TMEFF2: variants seen among roughly 807,000 people sequenced by gnomAD.
The protein encoded by TMEFF2 is transmembrane protein with EGF like and two follistatin like domains 2.
Under a neutral mutation model 53.8 loss-of-function variants are expected in TMEFF2, and 28 were observed. The observed-to-expected ratio is 0.52, with a 90% CI of 0.39 to 0.71. The LOEUF (loss-of-function observed/expected upper bound fraction) is 0.71, where lower values mean the gene tolerates loss of function less well. TMEFF2 is among the 30% of genes least tolerant of loss of function. TMEFF2 has a pLI of 0.00. For synonymous variants in TMEFF2, 162 were observed against 166.3 expected, an observed-to-expected ratio of 0.97 and a Z score of 0.20; for missense variants, 353 against 455.2, an observed-to-expected ratio of 0.78 and a Z score of 2.04.
At chr2:192,110,031 G>A (rs1044510063) in intron 4 of TMEFF2, among the ~76,000 whole-genome samples, 6 of 152,026 alleles carry the variant, frequency 3.9e-5, no homozygotes, top group Admixed American at 1.3e-4. Context: ...GAAAAAGGAT[G>A]GGGGGAGTCT....
intron 9 of TMEFF2, among the ~76,000 whole-genome samples, chr2:191,952,181 A>G (rs149945730): frequency 2.6e-5 from 4 of 152,330 alleles, no homozygotes; most frequent in African/African-American, 9.6e-5. Flanking sequence ...ATGTGTGTAT[A>G]TGTGTATACA....
chr2:192,053,968 G>A (rs889442363), intron 5 of TMEFF2, among the ~76,000 whole-genome samples: 2 of 152,018 alleles, frequency 1.3e-5, no homozygotes, highest in Admixed American at 1.3e-4. Context: ...TGTCATTTCA[G>A]CACAATTCCT....
intron 5 of TMEFF2, among the ~76,000 whole-genome samples, chr2:192,046,113 C>T (rs982588243): frequency 5.9e-5 from 9 of 152,132 alleles, no homozygotes; most frequent in African/African-American, 1.7e-4. Context: ...AGTTGTAATT[C>T]CAGCACTTTG....
intron 2 of TMEFF2, among the ~76,000 whole-genome samples, chr2:192,188,034 C>T (rs1342609805): frequency 3.3e-5 from 5 of 152,038 alleles, no homozygotes; most frequent in Non-Finnish European, 7.4e-5. Flanking sequence ...CTGTTATATT[C>T]CCAGTTGTCA....
At chr2:192,055,304 T>C (rs1380352790) in intron 5 of TMEFF2, among the ~76,000 whole-genome samples, 1 of 152,198 alleles carries the variant, frequency 6.6e-6, no homozygotes, top group Admixed American at 6.5e-5. Context: ...CCTGGGGGTC[T>C]TGTAGAAAAG....
intron 4 of TMEFF2, among the ~76,000 whole-genome samples, chr2:192,131,849 T>C (rs1020378445): frequency 2.7e-4 from 41 of 151,870 alleles, no homozygotes; most frequent in African/African-American, 9.9e-4. Flanking sequence ...TAGTTCCAAA[T>C]AGCCGGAAAA....
At chr2:192,014,680 T>A (rs1686706297) in intron 5 of TMEFF2, among the ~76,000 whole-genome samples, 1 of 152,350 alleles carries the variant, frequency 6.6e-6, no homozygotes, top group Non-Finnish European at 1.5e-5. Flanking sequence ...TATTCTGATC[T>A]GACTTCCGAT....
chr2:192,149,547 C>T (rs1457898022), intron 4 of TMEFF2, among the ~76,000 whole-genome samples: 3 of 151,902 alleles, frequency 2.0e-5, no homozygotes, highest in East Asian at 1.9e-4. Context: ...GAACTCAGAA[C>T]ATGGAAAGGG....
At chr2:192,144,171 C>T (rs1399407438) in intron 4 of TMEFF2, among the ~76,000 whole-genome samples, 1 of 151,984 alleles carries the variant, frequency 6.6e-6, no homozygotes, top group Non-Finnish European at 1.5e-5. Flanking sequence ...TCCTAAGAGC[C>T]CACAGTCCTT....
At chr2:191,954,044 T>C (rs912069086) in intron 8 of TMEFF2, among the ~76,000 whole-genome samples, 17 of 152,080 alleles carry the variant, frequency 1.1e-4, no homozygotes, top group South Asian at 4.1e-4. Flanking sequence ...CCCGCCACTA[T>C]GCCCGGCTAA....
At chr2:192,028,505 T>A (rs971502787) in intron 5 of TMEFF2, 7 of 141,494 alleles carry the variant, frequency 4.9e-5, no homozygotes, top group East Asian at 2.1e-4. Flanking sequence ...TGTGTGTGTG[T>A]GACTTCCCTG....
chr2:192,074,990 CAG>C (rs1316305058), intron 4 of TMEFF2, among the ~76,000 whole-genome samples: 3 of 151,504 alleles, frequency 2.0e-5, no homozygotes, highest in Admixed American at 6.6e-5. Context: ...ACAAACACAA[CAG>C]AAAACTTTAA....
At chr2:192,109,790 G>T (rs1689234059) in intron 4 of TMEFF2, among the ~76,000 whole-genome samples, 1 of 152,090 alleles carries the variant, frequency 6.6e-6, no homozygotes, top group African/African-American at 2.4e-5. Flanking sequence ...TAACTCATTT[G>T]GTTTGGACAT....
At chr2:192,070,040 A>G (rs10200438) in intron 4 of TMEFF2, among the ~76,000 whole-genome samples, 730 of 66,736 alleles carry the variant, frequency 0.011, 14 homozygotes, top group African/African-American at 0.031. Flanking sequence ...ATATATATAT[A>G]TATGTCTTCA....
intron 7 of TMEFF2, among the ~76,000 whole-genome samples, chr2:191,991,076 TATACC>T (rs1559074712): frequency 6.6e-6 from 1 of 152,122 alleles, no homozygotes; most frequent in African/African-American, 2.4e-5. Context: ...GTGATCTAAA[TATACC>T]ATACATAAAT....
chr2:192,036,181 G>A (rs914707421), intron 5 of TMEFF2: 2 of 152,124 alleles, frequency 1.3e-5, no homozygotes, highest in African/African-American at 4.8e-5. Flanking sequence ...TACTGAGGAA[G>A]CCACAAATTA....
intron 7 of TMEFF2, among the ~76,000 whole-genome samples, chr2:191,969,682 T>C (rs1339198223): frequency 2.0e-5 from 3 of 152,146 alleles, no homozygotes; most frequent in African/African-American, 7.2e-5. Flanking sequence ...ATTGTGTAGA[T>C]CTGAATTAAT....
chr2:192,003,871 C>T (rs1686427446), intron 5 of TMEFF2, among the ~76,000 whole-genome samples: 1 of 145,218 alleles, frequency 6.9e-6, no homozygotes, highest in African/African-American at 2.6e-5. Flanking sequence ...AGTTTACATT[C>T]ATGGGGTAGA....
intron 7 of TMEFF2, among the ~76,000 whole-genome samples, chr2:191,968,473 A>C (rs766148336): frequency 1.3e-5 from 2 of 152,168 alleles, no homozygotes; most frequent in Non-Finnish European, 2.9e-5. Flanking sequence ...CTTTGGTTTC[A>C]TGGGGCAGGA....
Sources: gnomAD v4.1 joint callset for allele counts (sites outside exome capture counted in the v4.1 genomes callset) on GRCh38, gnomAD v4.1.1 for gene constraint, MANE v1.5 for transcripts, NCBI Gene and HGNC (gene_info 2026-07-23, HGNC 2026-07-21) for gene names.